The following PIAS1 variants were observed in gnomAD, a reference collection of about 807,000 sequenced individuals.
PIAS1 encodes the protein protein inhibitor of activated STAT 1.
A neutral mutation model predicts 71.3 loss-of-function variants in PIAS1; 6 were observed. The observed-to-expected ratio is 0.08, with a 90% CI of 0.05 to 0.17. The LOEUF (loss-of-function observed/expected upper bound fraction) is 0.17. Ranked by LOEUF, PIAS1 falls within the 10% of genes least tolerant of loss-of-function variation. PIAS1 has a pLI of 1.00. For synonymous variants in PIAS1, 303 were observed against 292.9 expected, an observed-to-expected ratio of 1.03 and a Z score of -0.35; for missense variants, 555 against 793.6, an observed-to-expected ratio of 0.70 and a Z score of 3.61.
At chr15:68,093,864 A>G (rs1361398481) in intron 2 of PIAS1, among the ~76,000 whole-genome samples, 5 of 152,144 alleles carry the variant, frequency 3.3e-5, no homozygotes, top group African/African-American at 1.2e-4. Context: ...TTTTGAAATT[A>G]TCTGTAAAGA....
intron 1 of PIAS1, among the ~76,000 whole-genome samples, chr15:68,066,208 C>A (rs954553222): frequency 6.6e-6 from 1 of 151,978 alleles, no homozygotes; most frequent in African/African-American, 2.4e-5. Context: ...CAACCTCCGC[C>A]TCCTGGATTC....
At chr15:68,149,240 C>T (rs1329010935) in intron 6 of PIAS1, among the ~76,000 whole-genome samples, 1 of 150,494 alleles carries the variant, frequency 6.6e-6, no homozygotes, top group Non-Finnish European at 1.5e-5. Flanking sequence ...TACATTTGGG[C>T]TAGAGGGAAA....
chr15:68,100,501 C>T (rs1255559147), intron 2 of PIAS1, among the ~76,000 whole-genome samples: 20 of 152,146 alleles, frequency 1.3e-4, no homozygotes, highest in South Asian at 2.1e-4. Flanking sequence ...GGGAGGGGGG[C>T]GCTGAGAAGT....
intron 2 of PIAS1, among the ~76,000 whole-genome samples, chr15:68,106,756 G>A (rs2092473908): frequency 6.6e-6 from 1 of 152,180 alleles, no homozygotes; most frequent in Non-Finnish European, 1.5e-5. Flanking sequence ...TAGAGTGAAG[G>A]GGGATTAGGC....
chr15:68,123,503 A>G (rs564199502), intron 2 of PIAS1, among the ~76,000 whole-genome samples: 1 of 152,312 alleles, frequency 6.6e-6, no homozygotes, highest in Admixed American at 6.5e-5. Context: ...TATGTCATGT[A>G]TCTATTTTAG....
rs532924361 is a variant in PIAS1 at position 68,139,347 on chromosome 15, C to G, written c.470-2599C>G. On this transcript the variant is annotated intron_variant, in intron 2 of 13. Transcript: ENST00000249636. ...CATCTCACACATGTCTAAAAGGGTT[C>G]AAACAGAGAATGAATGGAAAGGTTG... 8.5e-5 allele frequency among the ~76,000 whole-genome samples: 13 copies of G among 152,250 alleles called. No individual in the cohort carries two copies. The East Asian group carries it at 2.3e-3, about 27-fold the overall frequency.
intron 1 of PIAS1, among the ~76,000 whole-genome samples, chr15:68,056,068 A>G (rs1345743449): frequency 6.6e-6 from 1 of 152,242 alleles, no homozygotes; most frequent in Non-Finnish European, 1.5e-5. Context: ...TTTGGAGATA[A>G]TTAACCCTTG....
intron 2 of PIAS1, among the ~76,000 whole-genome samples, chr15:68,128,195 T>C (rs2092665524): frequency 6.6e-6 from 1 of 152,206 alleles, no homozygotes; most frequent in Non-Finnish European, 1.5e-5. Flanking sequence ...AGATAGGGAC[T>C]CACTCTGCCG....
At chr15:68,090,172 A>G (rs973713736) in intron 2 of PIAS1, among the ~76,000 whole-genome samples, 3 of 151,720 alleles carry the variant, frequency 2.0e-5, no homozygotes, top group African/African-American at 7.3e-5. Context: ...CAGCCACCAC[A>G]CCCAACTTAA....
rs2093032278 is a variant in PIAS1, at chr15:68,178,241, AC to A, written c.1481+1589del. Among the ~76,000 whole-genome samples, 1 of 152,124 alleles carries A rather than the reference AC, an allele frequency of 6.6e-6. No homozygotes were observed. The highest frequency in any genetic ancestry group is 1.5e-5 in the Non-Finnish European group (1 of 68,018). On this transcript the variant is annotated intron_variant, in intron 11 of 13. Coordinates refer to ENST00000249636, the MANE Select transcript of PIAS1 (RefSeq NM_016166.3). This position sits in a 1 kb window ranked among gnomAD's most constrained non-coding sequence, Gnocchi z 4.2. ...GCTAAGATCGTGCCACTGCACTCCA[AC>A]CTGGGTGACAGAATGAGACCCCATC...
At chr15:68,142,079 G>GC (rs1201218474) in intron 3 of PIAS1, 49 bp downstream of exon 3, 11 of 1,234,680 alleles carry the variant, frequency 8.9e-6, no homozygotes, top group Non-Finnish European at 1.3e-5. Flanking sequence ...GAATCCAGTA[G>GC]TCTATAATAA....
intron 1 of PIAS1, among the ~76,000 whole-genome samples, chr15:68,075,087 T>TC (rs2092145048): frequency 7.3e-6 from 1 of 136,508 alleles, no homozygotes; most frequent in Non-Finnish European, 1.6e-5. Context: ...TCTTTTTTTT[T>TC]TTTTTTTTTT....
intron 11 of PIAS1, among the ~76,000 whole-genome samples, chr15:68,180,617 C>T (rs1271153869): frequency 3.5e-5 from 1 of 28,862 alleles, no homozygotes; most frequent in Non-Finnish European, 8.0e-5. Flanking sequence ...TGTTTCACTA[C>T]ATTAGATTCA....
chr15:68,084,123 T>C (rs2092256702), intron 1 of PIAS1, among the ~76,000 whole-genome samples: 1 of 152,196 alleles, frequency 6.6e-6, no homozygotes, highest in South Asian at 2.1e-4. Flanking sequence ...TCTGAATCTT[T>C]GTACCTATGG....
chr15:68,096,285 T>C (rs1276014138), intron 2 of PIAS1, among the ~76,000 whole-genome samples: 1 of 152,210 alleles, frequency 6.6e-6, no homozygotes, highest in African/African-American at 2.4e-5. Context: ...GTTCCATTGG[T>C]CTGTATGTCT....
chr15:68,121,809 A>C (rs775421099), intron 2 of PIAS1, among the ~76,000 whole-genome samples: 7 of 152,124 alleles, frequency 4.6e-5, no homozygotes, highest in Non-Finnish European at 5.9e-5. Context: ...TTTGGAATGA[A>C]TAGACCTGGA....
At chr15:68,107,418 T>C (rs1230531360) in intron 2 of PIAS1, among the ~76,000 whole-genome samples, 1 of 152,170 alleles carries the variant, frequency 6.6e-6, no homozygotes, top group Non-Finnish European at 1.5e-5. Flanking sequence ...TTACCTTAAG[T>C]TGTATATTTC....
chr15:68,094,005 A>G (rs1264948060), intron 2 of PIAS1, among the ~76,000 whole-genome samples: 2 of 152,168 alleles, frequency 1.3e-5, no homozygotes, highest in Non-Finnish European at 2.9e-5. Context: ...GTGTCCTTCA[A>G]TTTGTGATTA....
rs1377702849 is a variant in PIAS1 at position 68,180,410 on chromosome 15, AATT to A, written c.1482-795_1482-793del. Reference sequence around the variant, plus strand: ...CCATGCCTGGCCCCAAAGTTAGTTAAATTATTATTTTTTCCTTCTTCTCCTTTT... The same window carrying A: ...CCATGCCTGGCCCCAAAGTTAGTTAAATTATTTTTTCCTTCTTCTCCTTTT... On this transcript the variant is annotated intron_variant, in intron 11 of 13. Transcript: ENST00000249636. Among the ~76,000 whole-genome samples the A allele has an allele frequency of 7.5e-4, 114 of 152,016 alleles. 1 individual carries two copies. Among genetic ancestry groups the A allele is most frequent in the Non-Finnish European group, 2.2e-4 (15 of 67,942 alleles).
Sources: gnomAD v4.1 joint callset for allele counts (sites outside exome capture counted in the v4.1 genomes callset) on GRCh38, gnomAD v4.1.1 for gene constraint, Gnocchi (gnomAD v3.1) non-coding constraint, MANE v1.5 for transcripts, NCBI Gene and HGNC (gene_info 2026-07-23, HGNC 2026-07-21) for gene names.